The following VPS13A variants were observed in gnomAD, a reference collection of about 807,000 sequenced individuals.
VPS13A encodes vacuolar protein sorting 13 homolog A.
In VPS13A, 264 loss-of-function variants were observed where a neutral mutation model predicts 390.9. The ratio of observed to expected loss-of-function variants is 0.68; its 90% CI spans 0.61 to 0.75. VPS13A has a LOEUF of 0.75. Among genes scored for constraint, VPS13A ranks in the 30% least tolerant of loss-of-function variants. The pLI, the probability that VPS13A is intolerant of heterozygous loss-of-function variation, is 0.00. For synonymous variants in VPS13A, 1,231 were observed against 1,227.1 expected (o/e 1.00, Z -0.07); for missense variants, 3,409 against 3,733.9 (o/e 0.91, Z 2.27).
intron 3 of VPS13A, among the ~76,000 whole-genome samples, chr9:77,202,059 G>C (rs1256990989): frequency 6.6e-6 from 1 of 152,050 alleles, no homozygotes; most frequent in African/African-American, 2.4e-5. Context: ...TTGTTATATA[G>C]ATAGTTTTGT....
chr9:77,389,363 A>G (rs1172972243), intron 68 of VPS13A, among the ~76,000 whole-genome samples: 1 of 148,694 alleles, frequency 6.7e-6, no homozygotes, highest in Non-Finnish European at 1.5e-5. Context: ...GCTGGAGTGC[A>G]GTGGCTTGAA....
At chr9:77,209,381 A>AT in intron 5 of VPS13A, 42 bp from the exon 6 acceptor site, 1 of 1,378,368 alleles carries the variant, frequency 7.3e-7, no homozygotes, top group Middle Eastern at 1.8e-4. Context: ...TATAGAGTAT[A>AT]TTTTTCATTC....
chr9:77,399,181 TAAAAAAAAAAAAA>T (rs1223344360), intron 68 of VPS13A, among the ~76,000 whole-genome samples: 109 of 35,004 alleles, frequency 3.1e-3, no homozygotes, highest in African/African-American at 8.2e-3. Flanking sequence ...AAAAAAAAAA[TAAAAAAAAAAAAA>T]AAAAAAAAAA....
intron 1 of VPS13A, among the ~76,000 whole-genome samples, chr9:77,181,399 C>G (rs948873052): frequency 2.0e-5 from 3 of 151,458 alleles, no homozygotes; most frequent in African/African-American, 7.3e-5. Flanking sequence ...GCCTGTAATC[C>G]CAGCTACTCA....
chr9:77,185,139 CATT>C (rs768064733), intron 1 of VPS13A, among the ~76,000 whole-genome samples: 1 of 151,508 alleles, frequency 6.6e-6, no homozygotes, highest in Non-Finnish European at 1.5e-5. Context: ...TGGGATATGA[CATT>C]ATCTCTTTTT....
chr9:77,358,560 A>T, intron 57 of VPS13A, 122 bp downstream of exon 57: 1 of 828,732 alleles, frequency 1.2e-6, no homozygotes, highest in South Asian at 1.5e-5. Flanking sequence ...TTGGAAAATT[A>T]AACTGCTTGA....
At position 77,339,637 on chromosome 9, in the gene VPS13A, G is replaced by C; in HGVS notation, c.6500G>C (p.Ser2167Thr). Residue 2167 changes from serine to threonine, a missense_variant, in exon 48 of 72, where the codon AGT (serine) becomes ACT (threonine). By Grantham distance (58) the Ser-to-Thr change is moderately conservative. Transcript: ENST00000360280. ...GACTATCTCAATCACGATTGGAAAA[G>C]TGAATATCACATAAAGCCTAATCAG... ...LLDYLNHDWK[S>T]EYHIKPNQQD... is the part of the protein sequence containing the mutation. 1 of 1,613,880 alleles carries C rather than the reference G, an allele frequency of 6.2e-7. No homozygotes were observed. The highest frequency in any genetic ancestry group is 1.1e-5 in the South Asian group (1 of 91,058).
intron 52 of VPS13A, among the ~76,000 whole-genome samples, chr9:77,347,885 C>G (rs977992632): frequency 5.3e-5 from 8 of 150,578 alleles, no homozygotes; most frequent in African/African-American, 2.0e-4. Flanking sequence ...CCTGAATGCT[C>G]TGGGTCTTTC....
At chr9:77,246,344 T>C (rs1475053142) in intron 19 of VPS13A, among the ~76,000 whole-genome samples, 1 of 152,184 alleles carries the variant, frequency 6.6e-6, no homozygotes, top group African/African-American at 2.4e-5. Flanking sequence ...TGTATATGTA[T>C]TTTATTTGTA....
In VPS13A at chr9:77,339,930, G is replaced by A. The variant is rs767268932; in HGVS notation, c.6774+19G>A. ...CAATAAGGTATGCGATGTTTATTCT[G>A]TTTTTCCCTTGTCTTTAGCTACTTG... On this transcript the variant is annotated intron_variant, in intron 48 of 71. Coordinates refer to ENST00000360280, the MANE Select transcript of VPS13A (RefSeq NM_033305.3). 1.2e-6 allele frequency: 2 copies of A among 1,605,222 alleles called. No homozygotes were observed. Among genetic ancestry groups the A allele is most frequent in the Admixed American group, 3.3e-5 (2 of 59,920 alleles).
intron 35 of VPS13A, among the ~76,000 whole-genome samples, chr9:77,310,423 T>C (rs911252528): frequency 1.3e-5 from 2 of 152,204 alleles, no homozygotes; most frequent in African/African-American, 2.4e-5. Flanking sequence ...CTATATTATA[T>C]AACTGATACA....
intron 59 of VPS13A, among the ~76,000 whole-genome samples, chr9:77,362,980 G>C (rs1274922891): frequency 6.6e-6 from 1 of 151,964 alleles, no homozygotes; most frequent in African/African-American, 2.4e-5. Flanking sequence ...CACCCCTACT[G>C]AATTGTTAGC....
At chr9:77,278,938 A>G (rs1826852719) in intron 26 of VPS13A, among the ~76,000 whole-genome samples, 1 of 152,146 alleles carries the variant, frequency 6.6e-6, no homozygotes, top group Non-Finnish European at 1.5e-5. Flanking sequence ...GAGCATGCAG[A>G]TGGGCAGGTG....
At chr9:77,227,046 T>C (rs953038411) in intron 15 of VPS13A, among the ~76,000 whole-genome samples, 11 of 152,136 alleles carry the variant, frequency 7.2e-5, no homozygotes, top group African/African-American at 2.7e-4. Context: ...AAACTTCAGT[T>C]TTATCATCTA....
chr9:77,222,974 CT>C (rs529185089), intron 13 of VPS13A, among the ~76,000 whole-genome samples: 149 of 152,314 alleles, frequency 9.8e-4, no homozygotes, highest in South Asian at 3.5e-3. Flanking sequence ...GAACACTAAG[CT>C]ATAACCAAAC....
intron 52 of VPS13A, among the ~76,000 whole-genome samples, chr9:77,348,584 C>T (rs1050683824): frequency 6.6e-6 from 1 of 151,954 alleles, no homozygotes; most frequent in Non-Finnish European, 1.5e-5. Flanking sequence ...TGTAACAAAT[C>T]TGCACGTTCT....
intron 3 of VPS13A, among the ~76,000 whole-genome samples, chr9:77,201,925 A>AT (rs1159847254): frequency 1.3e-5 from 2 of 152,112 alleles, no homozygotes; most frequent in Non-Finnish European, 2.9e-5. Context: ...GCAGTAAATG[A>AT]TTGGAATTTG....
At chr9:77,405,806 A>C (rs999910696) in intron 69 of VPS13A, 58 bp from the exon 70 acceptor site, 65 of 1,603,264 alleles carry the variant, frequency 4.1e-5, no homozygotes, top group Non-Finnish European at 5.5e-5. Context: ...TCCTGTTGTT[A>C]TTGGATATAA....
intron 68 of VPS13A, among the ~76,000 whole-genome samples, chr9:77,391,078 G>C (rs1181337246): frequency 1.3e-5 from 2 of 151,918 alleles, no homozygotes; most frequent in Admixed American, 6.6e-5. Context: ...ACAGCTAAAA[G>C]TGCAGTAAGT....
Sources: gnomAD v4.1 joint callset for allele counts (sites outside exome capture counted in the v4.1 genomes callset) on GRCh38, gnomAD v4.1.1 for gene constraint, MANE v1.5 for transcripts, NCBI Gene and HGNC (gene_info 2026-07-23, HGNC 2026-07-21) for gene names.